Variants in CUX1 observed in about 807,000 individuals in gnomAD.
CUX1 encodes the protein protein CASP.
Under a neutral mutation model 158.8 loss-of-function variants are expected in CUX1, and 31 were observed. That is an observed-to-expected ratio of 0.20 (90% CI 0.15 to 0.26). The LOEUF is 0.26. Among genes scored for constraint, CUX1 ranks in the 10% least tolerant of loss-of-function variants. The pLI is 1.00. For missense variants in CUX1, 1,589 were observed against 2,014.6 expected, an observed-to-expected ratio of 0.79 and a Z score of 4.04; for synonymous variants, 879 against 862.1, an observed-to-expected ratio of 1.02 and a Z score of -0.34.
intron 5 of CUX1, among the ~76,000 whole-genome samples, chr7:102,103,867 T>C (rs887328727): frequency 5.9e-5 from 9 of 152,116 alleles, no homozygotes; most frequent in Non-Finnish European, 1.3e-4. Context: ...TCATAGAGAA[T>C]GGGGTACCGT....
intron 16 of CUX1, among the ~76,000 whole-genome samples, chr7:102,199,535 T>C (rs558524975): frequency 2.6e-5 from 4 of 152,362 alleles, no homozygotes; most frequent in African/African-American, 7.2e-5. Context: ...TTTCCTCGTA[T>C]GTAAATTTTA....
At chr7:102,271,007 GAC>G (rs1791178625) in intron 14 of CUX1, among the ~76,000 whole-genome samples, 1 of 152,198 alleles carries the variant, frequency 6.6e-6, no homozygotes, top group Non-Finnish European at 1.5e-5. Context: ...CCAGGGACCT[GAC>G]CAAGACCACA....
chr7:101,882,337 A>G (rs1310646839), intron 1 of CUX1, among the ~76,000 whole-genome samples: 4 of 152,198 alleles, frequency 2.6e-5, no homozygotes, highest in Admixed American at 1.3e-4. Context: ...CGGCTGACCA[A>G]TAGGATCATC....
chr7:102,209,744 C>T (rs1260125694), intron 20 of CUX1, among the ~76,000 whole-genome samples: 3 of 152,116 alleles, frequency 2.0e-5, no homozygotes, highest in Non-Finnish European at 4.4e-5. Context: ...TCATTCCAGG[C>T]TTCATCCCTC....
intron 9 of CUX1, among the ~76,000 whole-genome samples, chr7:102,165,292 A>T (rs1307967065): frequency 1.3e-5 from 2 of 151,470 alleles, no homozygotes; most frequent in African/African-American, 2.4e-5. Context: ...AGAGGCCTGG[A>T]AGTAGCTGTC....
At chr7:102,260,198 G>A (rs1790286563), downstream of CUX1, among the ~76,000 whole-genome samples, 1 of 151,302 alleles carries the variant, frequency 6.6e-6, no homozygotes, top group African/African-American at 2.4e-5. Flanking sequence ...CCAGGCTTAA[G>A]CAACCCTCCC....
rs150339138 is a variant in CUX1, at chr7:102,234,513, G to A, written c.3622+273G>A. On this transcript the variant is annotated intron_variant, in intron 22 of 23. Coordinates refer to ENST00000292535, the MANE Select transcript of CUX1 (RefSeq NM_181552.4). ...AGGAGAGCGAAACAGCTCTGGGGGC[G>A]CTGCATTTGGTTTTTGTGTTGTGTG... Among the ~76,000 whole-genome samples, 39 of 152,238 alleles carry A rather than the reference G, an allele frequency of 2.6e-4. No individual in the cohort carries two copies. The East Asian group carries it at 6.2e-3, about 24-fold the overall frequency.
chr7:101,828,780 C>T (rs1282795180), intron 1 of CUX1, among the ~76,000 whole-genome samples: 2 of 152,124 alleles, frequency 1.3e-5, no homozygotes, highest in African/African-American at 4.8e-5. Context: ...GCTGCAGAAG[C>T]ATTTGCTTGG....
intron 3 of CUX1, among the ~76,000 whole-genome samples, chr7:102,067,182 A>G (rs1326268263): frequency 2.7e-5 from 4 of 147,912 alleles, no homozygotes; most frequent in Admixed American, 2.7e-4. Flanking sequence ...CTCTTAATGT[A>G]TAATACATCT....
chr7:102,201,617 G>A lies in CUX1; in HGVS notation c.2320G>A (p.Gly774Ser), dbSNP rs141755950. 3.3e-5 allele frequency: 53 copies of A among 1,613,738 alleles called. No individual in the cohort carries two copies. In the African/African-American group the frequency reaches 5.1e-4, roughly 15 times the overall value. ...GAAGCCCTCCGCAGCTCCTGAGGCC[G>A]GTGCCTCTGCTCTGCCGAACCCCCC... ...LKKPSAAPEA[G>S]ASALPNPPAL... The change falls in exon 18 of 24, where the codon GGT (glycine) becomes AGT (serine). Residue 774 changes from glycine to serine, a missense_variant. Gly to Ser is a moderately conservative substitution (Grantham distance 56). Coordinates refer to ENST00000292535, the MANE Select transcript of CUX1 (RefSeq NM_181552.4). The surrounding 1 kb of genome is among the most constrained non-coding windows in gnomAD (Gnocchi z 5.0).
At chr7:101,893,329 T>G (rs1296363341) in intron 1 of CUX1, among the ~76,000 whole-genome samples, 2 of 152,062 alleles carry the variant, frequency 1.3e-5, no homozygotes, top group African/African-American at 4.8e-5. Context: ...CTTTTTATTT[T>G]TATTACTTTT....
chr7:101,879,733 G>A (rs550332081), intron 1 of CUX1, among the ~76,000 whole-genome samples: 20 of 152,370 alleles, frequency 1.3e-4, no homozygotes, highest in African/African-American at 3.1e-4. Flanking sequence ...GGTGCCGTGC[G>A]GCCCGCCCGC....
At chr7:102,127,098 C>T (rs1372521304) in intron 8 of CUX1, among the ~76,000 whole-genome samples, 5 of 152,236 alleles carry the variant, frequency 3.3e-5, no homozygotes, top group East Asian at 1.9e-4. Context: ...TAAATACAGA[C>T]GAAGCTTCCC....
At chr7:101,918,438 G>C (rs917553139) in intron 2 of CUX1, among the ~76,000 whole-genome samples, 1 of 152,244 alleles carries the variant, frequency 6.6e-6, no homozygotes, top group Non-Finnish European at 1.5e-5. Context: ...TTTAGACTCT[G>C]TCTTCATGGA....
intron 8 of CUX1, among the ~76,000 whole-genome samples, chr7:102,150,756 C>A (rs1454480381): frequency 6.6e-6 from 1 of 152,166 alleles, no homozygotes; most frequent in East Asian, 1.9e-4. Flanking sequence ...TGTGTGTTAG[C>A]CCAGAGAATA....
chr7:102,235,738 T>G (rs1411608787), intron 22 of CUX1, among the ~76,000 whole-genome samples: 4 of 145,880 alleles, frequency 2.7e-5, no homozygotes, highest in Non-Finnish European at 6.0e-5. Flanking sequence ...TCCCAGGCCC[T>G]TGAGTGGCTC....
At position 102,266,220 on chromosome 7, in the gene CUX1, AGAG is replaced by A. The variant is rs1331237635; in HGVS notation, c.1256-7145_1256-7143del. 2.9e-3 allele frequency among the ~76,000 whole-genome samples: 362 copies of A among 125,388 alleles called. 1 individual carries two copies. Among genetic ancestry groups the A allele is most frequent in the South Asian group, 8.0e-3 (34 of 4,242 alleles). The allele number at this position is 125,388 out of a possible 152,430, so 82.3% of individuals were successfully genotyped here. A position where few individuals can be genotyped will look rare whatever the true frequency, so the allele number is the denominator to read the frequency against. On this transcript the variant is annotated intron_variant, in intron 14 of 22. Coordinates refer to the CUX1 transcript ENST00000292538. ...CTCCGTTTCAAAAAAAAAAAAAAAA[AGAG>A]AGAGAGAGAGACTTAAGACAGATTC... is the stretch of plus-strand genomic sequence containing the variant.
intron 4 of CUX1, among the ~76,000 whole-genome samples, chr7:102,088,588 C>T (rs782610341): frequency 3.9e-5 from 6 of 151,996 alleles, no homozygotes; most frequent in Admixed American, 6.6e-5. Flanking sequence ...GAGCTGAGAT[C>T]GTGCCGCTGC....
chr7:102,135,413 G>A (rs1183414550), intron 8 of CUX1, among the ~76,000 whole-genome samples: 1 of 152,042 alleles, frequency 6.6e-6, no homozygotes, highest in Admixed American at 6.6e-5. Flanking sequence ...GAAGAGGAGG[G>A]TTGGTCTCGC....
Sources: gnomAD v4.1 joint callset for allele counts (sites outside exome capture counted in the v4.1 genomes callset) on GRCh38, gnomAD v4.1.1 for gene constraint, Gnocchi (gnomAD v3.1) non-coding constraint, MANE v1.5 for transcripts, NCBI Gene and HGNC (gene_info 2026-07-23, HGNC 2026-07-21) for gene names.